UBE2D2: variants seen among roughly 807,000 people sequenced by gnomAD.
UBE2D2 encodes the protein ubiquitin conjugating enzyme E2 D2.
A neutral mutation model predicts 24.2 loss-of-function variants in UBE2D2; 2 were observed. The observed-to-expected ratio is 0.08, with a 90% CI of 0.03 to 0.26. The LOEUF (loss-of-function observed/expected upper bound fraction) is 0.26. Ranked by LOEUF, UBE2D2 falls within the 10% of genes least tolerant of loss-of-function variation. UBE2D2 has a pLI of 1.00. For missense variants in UBE2D2, 44 were observed against 177.6 expected (o/e 0.25, Z 4.28); for synonymous variants, 58 against 56.5 (o/e 1.03, Z -0.12).
At chr5:139,590,462 GAAAA>G (rs1466273844) in intron 1 of UBE2D2, among the ~76,000 whole-genome samples, 1 of 149,528 alleles carries the variant, frequency 6.7e-6, no homozygotes. Context: ...AAAAAAGAAA[GAAAA>G]AGGAACAAAC....
intron 1 of UBE2D2, among the ~76,000 whole-genome samples, chr5:139,598,650 T>C (rs1334857747): frequency 2.0e-5 from 3 of 149,594 alleles, no homozygotes; most frequent in Non-Finnish European, 4.4e-5. Context: ...AACCTCCCTT[T>C]CCTGGGTTCA....
At chr5:139,553,307 C>T (rs1028071875) in intron 1 of UBE2D2, among the ~76,000 whole-genome samples, 3 of 152,270 alleles carry the variant, frequency 2.0e-5, no homozygotes, top group African/African-American at 2.4e-5. Context: ...ATGAGCTCCC[C>T]TATAGGGTTG....
intron 2 of UBE2D2, among the ~76,000 whole-genome samples, chr5:139,604,805 A>C (rs768362064): frequency 9.9e-5 from 15 of 151,934 alleles, no homozygotes; most frequent in Non-Finnish European, 1.3e-4. Flanking sequence ...ACCTGAGCCC[A>C]GAAGTTTGAG....
chr5:139,592,162 A>G (rs1208145316), intron 1 of UBE2D2, among the ~76,000 whole-genome samples: 3 of 152,150 alleles, frequency 2.0e-5, no homozygotes, highest in Non-Finnish European at 4.4e-5. Flanking sequence ...AGATTGCTCC[A>G]CTGCAGTCTA....
At chr5:139,569,571 G>A (rs1753308656) in intron 1 of UBE2D2, among the ~76,000 whole-genome samples, 2 of 152,186 alleles carry the variant, frequency 1.3e-5, no homozygotes, top group Admixed American at 6.6e-5. Flanking sequence ...TTGATGGTTA[G>A]ATTTCCAGGC....
At chr5:139,567,433 C>CT (rs34262724) in intron 1 of UBE2D2, among the ~76,000 whole-genome samples, 1,442 of 142,250 alleles carry the variant, frequency 0.01, 32 homozygotes, top group African/African-American at 0.032. Flanking sequence ...AATTAACTTG[C>CT]TTTTTTTTTT....
At chr5:139,573,864 G>A (rs1416156674) in intron 1 of UBE2D2, among the ~76,000 whole-genome samples, 1 of 151,924 alleles carries the variant, frequency 6.6e-6, no homozygotes, top group Non-Finnish European at 1.5e-5. Context: ...CCAGCTACTT[G>A]AGAGGCTGAG....
chr5:139,584,694 G>A (rs576098482), intron 1 of UBE2D2, among the ~76,000 whole-genome samples: 15 of 149,186 alleles, frequency 1.0e-4, no homozygotes, highest in African/African-American at 3.2e-4. Context: ...CACCATACCC[G>A]GCTAATTTTT....
intron 1 of UBE2D2, 29 bp downstream of exon 1, chr5:139,561,844 T>C (rs746174500): frequency 1.4e-6 from 2 of 1,477,444 alleles, no homozygotes; most frequent in Non-Finnish European, 1.8e-6. Flanking sequence ...GCTGCGCTGC[T>C]GGCCAGCTGA....
rs892637920 is a variant in UBE2D2, at chr5:139,561,729, C to A, written c.-63C>A. 2.3e-6 allele frequency: 3 copies of A among 1,327,208 alleles called. No individual in the cohort carries two copies. The highest frequency in any genetic ancestry group is 3.0e-6 in the Non-Finnish European group (3 of 991,688). 82.2% of individuals were successfully genotyped at this position (1,327,208 alleles called of 1,614,324 possible). A position where few individuals can be genotyped will look rare whatever the true frequency, so the allele number is the denominator to read the frequency against. ...CGAGGCGGCCTCAGGCTCCCTAGCCCCTTCCCCGTCCCTTCCCCGCCCCCG... is the reference window on the plus strand; with the variant it reads ...CGAGGCGGCCTCAGGCTCCCTAGCCACTTCCCCGTCCCTTCCCCGCCCCCG... On this transcript the variant is annotated 5_prime_UTR_variant, in exon 1 of 7. Transcript: ENST00000398733.
At chr5:139,582,638 T>A (rs1671273741) in intron 1 of UBE2D2, among the ~76,000 whole-genome samples, 1 of 151,984 alleles carries the variant, frequency 6.6e-6, no homozygotes, top group African/African-American at 2.4e-5. Flanking sequence ...CAGAAAAACT[T>A]TCAGATTTCG....
Position 139,587,757 on chromosome 5 carries a change from A to G in UBE2D2, c.25-12615A>G, listed in dbSNP as rs182898653. Among the ~76,000 whole-genome samples, 25 of 151,538 alleles carry G rather than the reference A, an allele frequency of 1.6e-4. No homozygotes were observed. In the East Asian group the frequency reaches 3.5e-3, roughly 21 times the overall value. On this transcript the variant is annotated intron_variant, in intron 1 of 6. Coordinates refer to ENST00000398733, the MANE Select transcript of UBE2D2 (RefSeq NM_003339.3). ...GAAATAGAGTGAAAACAGAGCTCCC[A>G]TACAAAGGGAGGGGACCCAAAGAGG...
intron 1 of UBE2D2, among the ~76,000 whole-genome samples, chr5:139,576,811 A>G (rs1581503510): frequency 6.6e-6 from 1 of 152,058 alleles, no homozygotes; most frequent in African/African-American, 2.4e-5. Context: ...ACCTGTTCAC[A>G]TTTTTGTTAA....
upstream of UBE2D2, chr5:139,561,164 G>A (rs766172762): frequency 6.5e-6 from 1 of 152,688 alleles, no homozygotes. Flanking sequence ...TCTCCGCCCA[G>A]GGCTTCGCAG....
intron 1 of UBE2D2, among the ~76,000 whole-genome samples, chr5:139,577,932 A>G (rs1481625355): frequency 1.3e-5 from 2 of 152,344 alleles, no homozygotes; most frequent in East Asian, 3.9e-4. Context: ...TGTAGTTACT[A>G]AGGAGGGATT....
rs561739919 is a variant in UBE2D2, at chr5:139,591,956, T to C, written c.25-8416T>C. ...GGCTCATGCCTGTAATTCCAGCACT[T>C]TGGGAGGCCGAGGCGGGCGGATCCC... On this transcript the variant is annotated intron_variant, in intron 1 of 6. Transcript: ENST00000398733. Among the ~76,000 whole-genome samples the C allele has an allele frequency of 3.9e-5, 6 of 152,212 alleles. No individual in the cohort carries two copies. The East Asian group carries it at 1.2e-3, about 29-fold the overall frequency.
chr5:139,547,352 G>A (rs763338181), intron 1 of UBE2D2, among the ~76,000 whole-genome samples: 1 of 152,070 alleles, frequency 6.6e-6, no homozygotes, highest in African/African-American at 2.4e-5. Flanking sequence ...CATGAGTCAG[G>A]GGGTAATTTG....
Position 139,623,471 on chromosome 5 carries a change from G to T in UBE2D2, c.398+10G>T. 1 of 1,590,850 alleles carries T rather than the reference G, an allele frequency of 6.3e-7. No individual in the cohort carries two copies. Among genetic ancestry groups the T allele is most frequent in the Non-Finnish European group, 8.6e-7 (1 of 1,161,580 alleles). ...AAACAGATAGAGAAAAGTAAGTATG[G>T]CCTCAAGATGGAAAGTTATCTGTGG... On this transcript the variant is annotated intron_variant, in intron 6 of 6. Transcript: ENST00000398733.
intron 1 of UBE2D2, among the ~76,000 whole-genome samples, chr5:139,553,661 C>G (rs549280160): frequency 1.3e-5 from 2 of 152,162 alleles, no homozygotes; most frequent in Non-Finnish European, 2.9e-5. Context: ...AAGGCAAAAT[C>G]AATTATATAA....
Sources: gnomAD v4.1 joint callset for allele counts (sites outside exome capture counted in the v4.1 genomes callset) on GRCh38, gnomAD v4.1.1 for gene constraint, MANE v1.5 for transcripts, NCBI Gene and HGNC (gene_info 2026-07-23, HGNC 2026-07-21) for gene names.